Variants in LRP1B observed in about 807,000 individuals in gnomAD.
The protein encoded by LRP1B is low-density lipoprotein receptor-related protein 1B.
A neutral mutation model predicts 556.6 loss-of-function variants in LRP1B; 217 were observed. The ratio of observed to expected loss-of-function variants is 0.39; its 90% confidence interval spans 0.35 to 0.44. The LOEUF (loss-of-function observed/expected upper bound fraction) is 0.44, where lower values mean the gene tolerates loss of function less well. LRP1B is among the 20% of genes least tolerant of loss of function. LRP1B has a pLI of 1.00. For synonymous variants in LRP1B, 2,047 were observed against 1,865.8 expected (o/e 1.10, Z -2.50); for missense variants, 5,053 against 5,620.8 (o/e 0.90, Z 3.23).
At chr2:142,125,610 C>T (rs1438834195) in intron 1 of LRP1B, among the ~76,000 whole-genome samples, 1 of 151,674 alleles carries the variant, frequency 6.6e-6, no homozygotes, top group African/African-American at 2.4e-5. Context: ...AAATCTCCAT[C>T]CAAAATAAAA....
At chr2:141,640,385 A>C (rs1055966688) in intron 2 of LRP1B, among the ~76,000 whole-genome samples, 2 of 152,206 alleles carry the variant, frequency 1.3e-5, no homozygotes, top group African/African-American at 4.8e-5. Context: ...AGGATGCCCA[A>C]ATCTAATTTT....
At chr2:141,544,208 AG>A (rs1685372032) in intron 2 of LRP1B, among the ~76,000 whole-genome samples, 1 of 152,114 alleles carries the variant, frequency 6.6e-6, no homozygotes, top group African/African-American at 2.4e-5. Flanking sequence ...AAATAGGTCT[AG>A]TCATCATAAT....
chr2:140,946,038 G>A (rs897685649), intron 20 of LRP1B, among the ~76,000 whole-genome samples: 1 of 152,116 alleles, frequency 6.6e-6, no homozygotes, highest in African/African-American at 2.4e-5. Flanking sequence ...TCAGAAAGTA[G>A]GCCAAAGACA....
intron 7 of LRP1B, among the ~76,000 whole-genome samples, chr2:141,083,199 A>C (rs1320317216): frequency 6.6e-6 from 1 of 152,222 alleles, no homozygotes; most frequent in Non-Finnish European, 1.5e-5. Flanking sequence ...TCTTGGTTAT[A>C]CATTTCCTAT....
intron 43 of LRP1B, among the ~76,000 whole-genome samples, chr2:140,543,785 A>C (rs1358002367): frequency 6.6e-6 from 1 of 152,050 alleles, no homozygotes; most frequent in African/African-American, 2.4e-5. Flanking sequence ...ATTTAACAGA[A>C]TCTACAACAA....
chr2:140,435,891 C>T (rs1056599608), intron 66 of LRP1B, among the ~76,000 whole-genome samples: 4 of 152,044 alleles, frequency 2.6e-5, no homozygotes, highest in Admixed American at 6.6e-5. Flanking sequence ...TCTCCTTCAA[C>T]GGTTCTATTG....
intron 1 of LRP1B, among the ~76,000 whole-genome samples, chr2:141,942,819 C>G (rs1700850955): frequency 6.6e-6 from 1 of 152,184 alleles, no homozygotes; most frequent in African/African-American, 2.4e-5. Flanking sequence ...GACCATATAT[C>G]TCCTACAGGG....
intron 3 of LRP1B, among the ~76,000 whole-genome samples, chr2:141,293,550 G>T (rs1331335460): frequency 1.3e-5 from 2 of 151,664 alleles, no homozygotes; most frequent in East Asian, 3.9e-4. Context: ...CTGAAATTGT[G>T]CTGCTCAAGA....
At chr2:140,798,385 C>T (rs1573732803) in intron 32 of LRP1B, among the ~76,000 whole-genome samples, 1 of 152,268 alleles carries the variant, frequency 6.6e-6, no homozygotes, top group Non-Finnish European at 1.5e-5. Context: ...GAAGGATATT[C>T]TCTTCCTACC....
chr2:141,410,473 G>T (rs143273978), intron 3 of LRP1B, among the ~76,000 whole-genome samples: 200 of 152,026 alleles, frequency 1.3e-3, no homozygotes, highest in African/African-American at 4.7e-3. Flanking sequence ...TAAAATATTA[G>T]GTTATATAAC....
At chr2:140,619,327 A>G (rs974317016) in intron 41 of LRP1B, among the ~76,000 whole-genome samples, 6 of 152,040 alleles carry the variant, frequency 3.9e-5, no homozygotes, top group African/African-American at 1.2e-4. Flanking sequence ...TTTTGTTCTT[A>G]TGTTTTGGTT....
intron 41 of LRP1B, 151 bp from the exon 42 acceptor site, chr2:140,601,790 A>G: frequency 2.0e-6 from 1 of 509,948 alleles, no homozygotes; most frequent in Non-Finnish European, 3.2e-6. Flanking sequence ...AGTCATTGTG[A>G]TACCTACAAT....
At chr2:140,244,344 G>T (rs983357736) in intron 87 of LRP1B, among the ~76,000 whole-genome samples, 5 of 151,070 alleles carry the variant, frequency 3.3e-5, no homozygotes, top group African/African-American at 1.2e-4. Flanking sequence ...TGCCCCTATT[G>T]TCACTATAGT....
intron 7 of LRP1B, among the ~76,000 whole-genome samples, chr2:141,141,184 A>G (rs970587480): frequency 6.6e-6 from 1 of 152,214 alleles, no homozygotes; most frequent in African/African-American, 2.4e-5. Context: ...CTCAGTTTAT[A>G]TAGTAAACTT....
intron 33 of LRP1B, among the ~76,000 whole-genome samples, chr2:140,773,563 T>C (rs1047593047): frequency 2.8e-4 from 42 of 151,934 alleles, no homozygotes; most frequent in Non-Finnish European, 1.9e-4. Context: ...GGTCTGGGGC[T>C]GTATATTTTT....
At chr2:140,279,124 G>A (rs989106070) in intron 84 of LRP1B, among the ~76,000 whole-genome samples, 2 of 151,660 alleles carry the variant, frequency 1.3e-5, no homozygotes, top group African/African-American at 4.8e-5. Context: ...TTGTCTTAAA[G>A]GCTTTACTAT....
chr2:140,479,063 A>C (rs1252067102), intron 59 of LRP1B, among the ~76,000 whole-genome samples: 10 of 152,074 alleles, frequency 6.6e-5, no homozygotes, highest in Admixed American at 5.9e-4. Flanking sequence ...ATTATGGATA[A>C]TACTCTATTA....
At chr2:141,898,152 G>A (rs1699509891) in intron 1 of LRP1B, among the ~76,000 whole-genome samples, 1 of 152,016 alleles carries the variant, frequency 6.6e-6, no homozygotes, top group South Asian at 2.1e-4. Context: ...TCTGTGATTT[G>A]CTGATCAAAC....
intron 2 of LRP1B, among the ~76,000 whole-genome samples, chr2:141,558,531 A>G (rs1686040216): frequency 6.6e-6 from 1 of 151,806 alleles, no homozygotes; most frequent in Non-Finnish European, 1.5e-5. Flanking sequence ...TAGCAAAATT[A>G]TGACTATGTC....
Sources: gnomAD v4.1 joint callset for allele counts (sites outside exome capture counted in the v4.1 genomes callset) on GRCh38, gnomAD v4.1.1 for gene constraint, MANE v1.5 for transcripts, NCBI Gene and HGNC (gene_info 2026-07-23, HGNC 2026-07-21) for gene names.